Variants in DNAAF11 observed in about 807,000 individuals in gnomAD.
DNAAF11 encodes the protein leucine rich repeat containing 6.
Under a neutral mutation model 60.8 loss-of-function variants are expected in DNAAF11, and 45 were observed. The observed-to-expected ratio is 0.74, with a 90% CI of 0.58 to 0.95. DNAAF11 has a LOEUF of 0.95. Among genes scored for constraint, DNAAF11 ranks in the 40% least tolerant of loss-of-function variants. The pLI, the probability that DNAAF11 is intolerant of heterozygous loss-of-function variation, is 0.00. For synonymous variants in DNAAF11, 191 were observed against 183.5 expected, an observed-to-expected ratio of 1.04 and a Z score of -0.33; for missense variants, 546 against 546.2, an observed-to-expected ratio of 1.00 and a Z score of 0.00.
intron 10 of DNAAF11, among the ~76,000 whole-genome samples, chr8:132,589,735 T>G (rs1389525919): frequency 6.6e-6 from 1 of 152,202 alleles, no homozygotes; most frequent in Non-Finnish European, 1.5e-5. Flanking sequence ...GCTGTTCTGT[T>G]GGGCTTTATT....
intron 7 of DNAAF11, 43 bp from the exon 8 acceptor site, chr8:132,615,140 G>A (rs1819019416): frequency 8.4e-7 from 1 of 1,194,716 alleles, no homozygotes; most frequent in Non-Finnish European, 1.2e-6. Context: ...ATGTCTTTAG[G>A]ATACTGTATA....
chr8:132,630,600 T>G (rs1414394674), intron 5 of DNAAF11, among the ~76,000 whole-genome samples: 1 of 152,176 alleles, frequency 6.6e-6, no homozygotes, highest in Non-Finnish European at 1.5e-5. Flanking sequence ...AGTCACAGAC[T>G]GGTAGAAGAC....
chr8:132,598,218 G>A (rs1817222695), intron 10 of DNAAF11, among the ~76,000 whole-genome samples: 1 of 152,094 alleles, frequency 6.6e-6, no homozygotes, highest in Non-Finnish European at 1.5e-5. Context: ...TTATTAACTG[G>A]TATAAGGATA....
At chr8:132,643,760 A>G (rs1822088920) in intron 3 of DNAAF11, 1 of 455,258 alleles carries the variant, frequency 2.2e-6, no homozygotes. Flanking sequence ...CATAATATTG[A>G]GTGCATTCGT....
rs1435631785 is a variant in DNAAF11, at chr8:132,572,161, C to T, written c.*145G>A. On this transcript the variant is annotated 3_prime_UTR_variant, in exon 12 of 12. Coordinates refer to ENST00000620350, the MANE Select transcript of DNAAF11 (RefSeq NM_012472.6). ...ATTTTAAGCTATCTTAAGGATATTA[C>T]TATGCAAAGTAAGAGTTAAAACACT... 1 of 609,748 alleles carries T rather than the reference C, an allele frequency of 1.6e-6. No individual in the cohort carries two copies. Among genetic ancestry groups the T allele is most frequent in the Non-Finnish European group, 2.9e-6 (1 of 350,782 alleles). 37.8% of individuals were successfully genotyped at this position (609,748 alleles called of 1,614,324 possible).
At chr8:132,591,058 A>G (rs936033701) in intron 10 of DNAAF11, among the ~76,000 whole-genome samples, 1 of 152,184 alleles carries the variant, frequency 6.6e-6, no homozygotes, top group Admixed American at 6.5e-5. Flanking sequence ...CATAAATTGT[A>G]TATTGTATGA....
intron 1 of DNAAF11, among the ~76,000 whole-genome samples, chr8:132,673,542 C>T (rs575545946): frequency 1.3e-5 from 2 of 152,158 alleles, no homozygotes; most frequent in Non-Finnish European, 2.9e-5. Flanking sequence ...CCTGTATGAG[C>T]GGATCCCTGC....
chr8:132,702,635 AGCACTGTTTT>A, the DNAAF11 span, among the ~76,000 whole-genome samples: 1 of 152,234 alleles, frequency 6.6e-6, no homozygotes, highest in East Asian at 1.9e-4. Context: ...CTTATGATCT[AGCACTGTTTT>A]AAGTGTTAAG....
At chr8:132,693,514 C>A in the DNAAF11 span, among the ~76,000 whole-genome samples, 732 of 151,332 alleles carry the variant, frequency 4.8e-3, 13 homozygotes, top group African/African-American at 0.017. Context: ...GGGCACTGTT[C>A]TTGGTGTTGG....
intron 10 of DNAAF11, among the ~76,000 whole-genome samples, chr8:132,604,395 C>T (rs1817936576): frequency 6.6e-6 from 1 of 152,140 alleles, no homozygotes; most frequent in Admixed American, 6.6e-5. Context: ...GCAAGATATT[C>T]ACCACTGAAG....
Position 132,675,474 on chromosome 8 carries a change from G to C in DNAAF11, c.10+10C>G. Reference sequence around the variant, plus strand: ...GAACGATCGAGGACGGAAGGTGGAGGGGGGCTTACTCCAGCCCATGGCGCC... The same window carrying C: ...GAACGATCGAGGACGGAAGGTGGAGCGGGGCTTACTCCAGCCCATGGCGCC... On this transcript the variant is annotated intron_variant, in intron 1 of 11. Transcript: ENST00000620350. 1.9e-6 allele frequency: 3 copies of C among 1,566,252 alleles called. No individual in the cohort carries two copies. Among genetic ancestry groups the C allele is most frequent in the Non-Finnish European group, 1.7e-6 (2 of 1,153,194 alleles).
At chr8:132,692,900 T>G in the DNAAF11 span, among the ~76,000 whole-genome samples, 1 of 152,224 alleles carries the variant, frequency 6.6e-6, no homozygotes, top group South Asian at 2.1e-4. Context: ...TTACAACACA[T>G]GAGCTTATTA....
chr8:132,595,610 A>G (rs1379168831), intron 10 of DNAAF11, among the ~76,000 whole-genome samples: 1 of 152,222 alleles, frequency 6.6e-6, no homozygotes, highest in African/African-American at 2.4e-5. Flanking sequence ...CCACGTTGAA[A>G]TAATTACACC....
At chr8:132,693,356 A>G in the DNAAF11 span, among the ~76,000 whole-genome samples, 2 of 152,240 alleles carry the variant, frequency 1.3e-5, no homozygotes, top group Non-Finnish European at 2.9e-5. Context: ...AATATAGAAT[A>G]CATACATGTG....
At chr8:132,594,496 A>C (rs185582218) in intron 10 of DNAAF11, among the ~76,000 whole-genome samples, 1 of 152,296 alleles carries the variant, frequency 6.6e-6, no homozygotes, top group African/African-American at 2.4e-5. Flanking sequence ...ACAGATGTTG[A>C]TATGGTTTGA....
At chr8:132,700,060 GT>G in the DNAAF11 span, among the ~76,000 whole-genome samples, 3 of 152,104 alleles carry the variant, frequency 2.0e-5, no homozygotes, top group African/African-American at 7.2e-5. Flanking sequence ...CACTGCAACT[GT>G]ACTAAATGAC....
At position 132,609,341 on chromosome 8, in the gene DNAAF11, G is replaced by A. The variant is rs567708042; in HGVS notation, c.1140+825C>T. ...AGTAGTTATTATACTGTATTGTCTC[G>A]GGAATCAAGAAAAAAAAAAAAAGCC... On this transcript the variant is annotated intron_variant, in intron 10 of 11. Transcript: ENST00000620350. 4.4e-4 allele frequency among the ~76,000 whole-genome samples: 66 copies of A among 150,132 alleles called. 1 individual carries two copies. Among genetic ancestry groups the A allele is most frequent in the Admixed American group, 2.3e-3 (35 of 15,148 alleles).
intron 3 of DNAAF11, among the ~76,000 whole-genome samples, chr8:132,655,554 A>G (rs1586709034): frequency 6.6e-6 from 1 of 152,322 alleles, no homozygotes; most frequent in East Asian, 1.9e-4. Context: ...ATATCTGCAA[A>G]TCAATTATCT....
chr8:132,609,681 C>T (rs1399470303), intron 10 of DNAAF11, among the ~76,000 whole-genome samples: 1 of 152,166 alleles, frequency 6.6e-6, no homozygotes, highest in African/African-American at 2.4e-5. Flanking sequence ...ACTGCTAGTG[C>T]ACATCTTATG....
Sources: allele counts gnomAD v4.1 joint callset (sites outside exome capture counted in the v4.1 genomes callset), GRCh38; gene constraint gnomAD v4.1.1; transcripts MANE v1.5; gene names NCBI Gene and HGNC (gene_info 2026-07-23, HGNC 2026-07-21).